SDK1: variants seen among roughly 807,000 people sequenced by gnomAD.
The protein encoded by SDK1 is protein sidekick-1.
SDK1 carries 157 observed loss-of-function variants against 245.5 expected under a neutral mutation model. The observed-to-expected ratio is 0.64, with a 90% CI of 0.56 to 0.73. SDK1 has a LOEUF of 0.73. Among genes scored for constraint, SDK1 ranks in the 30% least tolerant of loss-of-function variants. The probability of loss-of-function intolerance (pLI) is 0.00; values close to 1 mark genes in which losing one functional copy is unlikely to be tolerated. For synonymous variants in SDK1, 1,647 were observed against 1,278.5 expected (o/e 1.29, Z -6.15); for missense variants, 3,583 against 3,002.3 (o/e 1.19, Z -4.52).
intron 14 of SDK1, among the ~76,000 whole-genome samples, chr7:3,995,272 C>G (rs570232257): frequency 2.2e-4 from 34 of 152,206 alleles, no homozygotes; most frequent in Non-Finnish European, 4.0e-4. Context: ...TCCTGTCCCC[C>G]TCTGCCTTTG....
intron 14 of SDK1, among the ~76,000 whole-genome samples, chr7:3,999,031 T>TTGTA (rs1292515559): frequency 6.6e-6 from 1 of 152,232 alleles, no homozygotes; most frequent in African/African-American, 2.4e-5. Context: ...TTGTTTTTGT[T>TTGTA]TGTATGTATG....
intron 5 of SDK1, among the ~76,000 whole-genome samples, chr7:3,882,705 T>C (rs1488550887): frequency 6.6e-6 from 1 of 152,140 alleles, no homozygotes; most frequent in Non-Finnish European, 1.5e-5. Context: ...ACCGCTGTTG[T>C]CACTATTTAC....
intron 22 of SDK1, among the ~76,000 whole-genome samples, chr7:4,082,534 CA>C (rs1300321399): frequency 0.44 from 47,620 of 108,620 alleles, 7,885 homozygotes; most frequent in Middle Eastern, 0.54. Flanking sequence ...GATTCTGTCT[CA>C]AAAAAAAAAA....
At chr7:3,349,927 C>T (rs1289395686) in intron 1 of SDK1, among the ~76,000 whole-genome samples, 1 of 152,204 alleles carries the variant, frequency 6.6e-6, no homozygotes, top group African/African-American at 2.4e-5. Flanking sequence ...CTTAAGACCA[C>T]ATCCTGGATT....
chr7:4,157,606 C>T (rs1780847957), intron 30 of SDK1, among the ~76,000 whole-genome samples: 2 of 152,018 alleles, frequency 1.3e-5, no homozygotes, highest in South Asian at 4.1e-4. Context: ...AAACATGAGT[C>T]CCGTTAAAAT....
intron 5 of SDK1, among the ~76,000 whole-genome samples, chr7:3,940,036 A>G (rs1310587045): frequency 6.6e-6 from 1 of 152,262 alleles, no homozygotes; most frequent in Non-Finnish European, 1.5e-5. Flanking sequence ...TGTGCTTCCC[A>G]TTGTCAGAAA....
chr7:3,419,821 C>G (rs1779487677), intron 1 of SDK1, among the ~76,000 whole-genome samples: 1 of 152,158 alleles, frequency 6.6e-6, no homozygotes, highest in Non-Finnish European at 1.5e-5. Flanking sequence ...CTCTAAAGAA[C>G]AAAACTAAGC....
intron 5 of SDK1, among the ~76,000 whole-genome samples, chr7:3,948,380 C>G (rs1780662016): frequency 6.6e-6 from 1 of 151,306 alleles, no homozygotes; most frequent in East Asian, 1.9e-4. Context: ...GCCTCAGTCT[C>G]CCGAGTAGCT....
At chr7:4,094,413 T>C (rs1391516955) in intron 22 of SDK1, among the ~76,000 whole-genome samples, 1 of 152,174 alleles carries the variant, frequency 6.6e-6, no homozygotes, top group Non-Finnish European at 1.5e-5. Flanking sequence ...CGGGGTGGGA[T>C]TGCCCTTCCA....
At chr7:4,152,975 A>G (rs1005303818) in intron 30 of SDK1, among the ~76,000 whole-genome samples, 3 of 152,072 alleles carry the variant, frequency 2.0e-5, no homozygotes, top group African/African-American at 7.2e-5. Context: ...AATGCAGTAG[A>G]GAGGAAGAAG....
At chr7:3,907,815 G>A (rs765271027) in intron 5 of SDK1, among the ~76,000 whole-genome samples, 1 of 152,190 alleles carries the variant, frequency 6.6e-6, no homozygotes, top group South Asian at 2.1e-4. Flanking sequence ...CTTAGTCCTA[G>A]AACTGCCCAG....
intron 42 of SDK1, among the ~76,000 whole-genome samples, chr7:4,241,142 A>C (rs998664882): frequency 6.6e-6 from 1 of 152,190 alleles, no homozygotes; most frequent in South Asian, 2.1e-4. Flanking sequence ...TGTGCGGTTC[A>C]GTGGTGAACG....
chr7:3,444,602 G>A (rs949913249), intron 1 of SDK1, among the ~76,000 whole-genome samples: 3 of 152,146 alleles, frequency 2.0e-5, no homozygotes, highest in Middle Eastern at 3.4e-3. Flanking sequence ...TCTGTTGTTC[G>A]TTAGTGTTCG....
At position 3,550,829 on chromosome 7, in the gene SDK1, A is replaced by C. The variant is rs950213122; in HGVS notation, c.299-68251A>C. On this transcript the variant is annotated intron_variant, in intron 1 of 44. Transcript: ENST00000404826. ...TCTATTTTCATGTTTTGATATTTCT[A>C]GAAAATGTTTTTACTGTATTCAAGA... 3.3e-5 allele frequency among the ~76,000 whole-genome samples: 5 copies of C among 152,322 alleles called. No individual in the cohort carries two copies. The South Asian group carries it at 6.2e-4, about 19-fold the overall frequency.
At position 4,267,561 on chromosome 7, in the gene SDK1, G is replaced by A. The variant is rs1583212695; in HGVS notation, c.*2177G>A. ...AGCACTGGAATTTCTTGGAAGAGAA[G>A]CGATAAATGGAGACCATGGCCAGCG... is the stretch of plus-strand genomic sequence containing the variant. On this transcript the variant is annotated 3_prime_UTR_variant, in exon 45 of 45. Transcript: ENST00000404826. The A allele has an allele frequency of 1.0e-6, 1 of 985,382 alleles. No homozygotes were observed. The highest frequency in any genetic ancestry group is 1.2e-6 in the Non-Finnish European group (1 of 829,966). 61.0% of individuals were successfully genotyped at this position (985,382 alleles called of 1,614,324 possible).
At chr7:3,958,908 T>A in intron 7 of SDK1, 23 bp from the exon 8 acceptor site, 2 of 1,599,354 alleles carry the variant, frequency 1.3e-6, no homozygotes, top group Non-Finnish European at 1.7e-6. Context: ...CTTAGGGGCT[T>A]TTTTTTATTT....
chr7:3,970,609 A>G (rs534538745), intron 11 of SDK1, among the ~76,000 whole-genome samples: 18 of 152,330 alleles, frequency 1.2e-4, no homozygotes, highest in African/African-American at 4.3e-4. Context: ...TCTGTAGATC[A>G]TTCGCCAGAA....
chr7:3,498,151 TTCA>T (rs1308723082), intron 1 of SDK1, among the ~76,000 whole-genome samples: 1 of 152,226 alleles, frequency 6.6e-6, no homozygotes, highest in African/African-American at 2.4e-5. Flanking sequence ...CTTTGTAAAA[TTCA>T]GCCAACTTCT....
intron 29 of SDK1, 27 bp downstream of exon 29, chr7:4,145,943 C>T (rs757494551): frequency 3.8e-6 from 6 of 1,569,238 alleles, no homozygotes; most frequent in South Asian, 1.2e-5. Flanking sequence ...CCCGGGGGTA[C>T]TGCAGATGTT....
Sources: gnomAD v4.1 joint callset for allele counts (sites outside exome capture counted in the v4.1 genomes callset) on GRCh38, gnomAD v4.1.1 for gene constraint, MANE v1.5 for transcripts, NCBI Gene and HGNC (gene_info 2026-07-23, HGNC 2026-07-21) for gene names.